The following ZNF626 variants were observed in gnomAD, a reference collection of about 807,000 sequenced individuals.
ZNF626 encodes the protein zinc finger protein 626.
ZNF626 carries 4 observed loss-of-function variants against 11.7 expected under a neutral mutation model. The observed-to-expected ratio is 0.34, with a 90% confidence interval of 0.17 to 0.78. ZNF626 has a LOEUF of 0.78. Ranked by LOEUF, ZNF626 falls within the 30% of genes least tolerant of loss-of-function variation. The probability of loss-of-function intolerance (pLI) is 0.57; values close to 1 mark genes in which losing one functional copy is unlikely to be tolerated. For missense variants in ZNF626, 588 were observed against 587.1 expected, an observed-to-expected ratio of 1.00 and a Z score of -0.01; for synonymous variants, 179 against 198.6, an observed-to-expected ratio of 0.90 and a Z score of 0.83.
chr19:20,645,340 T>C (rs1970064042), intron 3 of ZNF626: 2 of 1,568,356 alleles, frequency 1.3e-6, no homozygotes, highest in Non-Finnish European at 1.7e-6. Flanking sequence ...CTCAAAATCA[T>C]GCAGACATTT....
chr19:20,659,926 G>A (rs1320995798), intron 1 of ZNF626, among the ~76,000 whole-genome samples: 1 of 151,976 alleles, frequency 6.6e-6, no homozygotes, highest in African/African-American at 2.4e-5. Context: ...GAGCAGTCTT[G>A]AGATATCCGC....
At chr19:20,646,180 G>T in intron 2 of ZNF626, 99 bp downstream of exon 2, 1 of 1,327,912 alleles carries the variant, frequency 7.5e-7, no homozygotes, top group South Asian at 1.9e-5. Flanking sequence ...ATGGGGATCT[G>T]AAACTCTTTT....
At chr19:20,645,557 T>G in intron 3 of ZNF626, 127 bp downstream of exon 3, 1 of 1,549,280 alleles carries the variant, frequency 6.5e-7, no homozygotes, top group Admixed American at 2.2e-5. Flanking sequence ...AAACAAAAAA[T>G]AGCTGCCCAA....
At chr19:20,652,087 G>A (rs1474141217) in intron 1 of ZNF626, among the ~76,000 whole-genome samples, 8 of 152,160 alleles carry the variant, frequency 5.3e-5, no homozygotes, top group Non-Finnish European at 8.8e-5. Context: ...TCACAATGCA[G>A]AAAATGCCTT....
At position 20,645,750 on chromosome 19, in the gene ZNF626, T is replaced by A. The variant is rs1555771842; in HGVS notation, c.160A>T (p.Thr54Ser). 1 of 1,611,016 alleles carries A rather than the reference T, an allele frequency of 6.2e-7. No individual in the cohort carries two copies. ...GITVSKPDLI[T>S]CLEQGRKPLT... ...GGTTTTCTTCCTTGCTCCAGACAGG[T>A]GATCAGGTCTGGCTTAGAAACAGTA... is the stretch of plus-strand genomic sequence containing the variant. The change falls in exon 3 of 4, where the codon ACC (threonine) becomes TCC (serine). Residue 54 changes from threonine to serine, a missense_variant. Around this residue, in one of 4 missense-constraint regions of ZNF626, gnomAD observed 524 missense variants for 470.1 expected, o/e 1.11. Transcript: ENST00000601440.
chr19:20,625,305 T>A lies in ZNF626; in HGVS notation c.572A>T (p.His191Leu), dbSNP rs199817997. 7 of 1,613,906 alleles carry A rather than the reference T, an allele frequency of 4.3e-6. No homozygotes were observed. Among genetic ancestry groups the A allele is most frequent in the Non-Finnish European group, 5.9e-6 (7 of 1,179,984 alleles). ...AFKQFSTLTT[H>L]KKIHTGGKPY... ...TTTCCCTCCAGTATGAATTTTCTTA[T>A]GTGTAGTAAGAGTTGAGAACTGCTT... The change falls in exon 4 of 4, where the codon CAT (histidine) becomes CTT (leucine). Residue 191 changes from histidine to leucine, a missense_variant. Transcript: ENST00000601440.
At position 20,645,877 on chromosome 19, in the gene ZNF626, T is replaced by C. The variant is rs563441984; in HGVS notation, c.131-98A>G. On this transcript the variant is annotated intron_variant, in intron 2 of 3. Coordinates refer to ENST00000601440, the MANE Select transcript of ZNF626 (RefSeq NM_001076675.3). Reference sequence around the variant, plus strand: ...CAGAGGATGTGATAAAATATTCTAGTAAATTAATACAAAAATACTAAGTTG... The same window carrying C: ...CAGAGGATGTGATAAAATATTCTAGCAAATTAATACAAAAATACTAAGTTG... 1.2e-4 allele frequency: 95 copies of C among 808,854 alleles called. 2 individuals are homozygous for C. In the African/African-American group the frequency reaches 1.4e-3, roughly 12 times the overall value. 50.1% of individuals were successfully genotyped at this position (808,854 alleles called of 1,614,324 possible). A position where few individuals can be genotyped will look rare whatever the true frequency, so the allele number is the denominator to read the frequency against.
At position 20,625,111 on chromosome 19, in the gene ZNF626, G is replaced by T. The variant is rs267605381; in HGVS notation, c.766C>A (p.Pro256Thr). 6.2e-7 allele frequency: 1 copy of T among 1,613,050 alleles called. No homozygotes were observed. Among genetic ancestry groups the T allele is most frequent in the Non-Finnish European group, 8.5e-7 (1 of 1,179,752 alleles). ...TTGCCACATTTATCACACTTGTAGG[G>T]TTTCTCTCCAGTATGATTTCTCTTA... ...THKRNHTGEK[P>T]YKCDKCGKAF... The change falls in exon 4 of 4, where the codon CCC (proline) becomes ACC (threonine). Residue 256 changes from proline (P) to threonine (T), a missense_variant. By Grantham distance (38) the Pro-to-Thr change is conservative. This residue lies in a region of ZNF626 where 524 missense variants were observed against 470.1 expected (regional missense o/e 1.11). Coordinates refer to ENST00000601440, the MANE Select transcript of ZNF626 (RefSeq NM_001076675.3).
intron 3 of ZNF626, among the ~76,000 whole-genome samples, chr19:20,641,353 T>C (rs1005770953): frequency 2.6e-5 from 4 of 152,192 alleles, no homozygotes; most frequent in Non-Finnish European, 4.4e-5. Flanking sequence ...GAGAATATTA[T>C]GTCACTTGAA....
chr19:20,650,268 T>A (rs1970131982), intron 1 of ZNF626, among the ~76,000 whole-genome samples: 1 of 150,832 alleles, frequency 6.6e-6, no homozygotes. Context: ...CCATAAAAAA[T>A]TAAAACTAAA....
intron 3 of ZNF626, among the ~76,000 whole-genome samples, chr19:20,636,875 TTTGGGC>T (rs1196753839): frequency 1.3e-5 from 2 of 151,898 alleles, no homozygotes; most frequent in Non-Finnish European, 1.5e-5. Context: ...GCAAAAATTA[TTTGGGC>T]ATGGTGGCAC....
intron 1 of ZNF626, among the ~76,000 whole-genome samples, chr19:20,649,183 A>T (rs1970119133): frequency 6.6e-6 from 1 of 152,118 alleles, no homozygotes; most frequent in African/African-American, 2.4e-5. Flanking sequence ...TACACCTGTT[A>T]TCTTGAGACT....
At chr19:20,633,748 C>T (rs1664900) in intron 3 of ZNF626, among the ~76,000 whole-genome samples, 3 of 152,224 alleles carry the variant, frequency 2.0e-5, no homozygotes, top group Non-Finnish European at 4.4e-5. Flanking sequence ...CTGGGTGAGG[C>T]GATGCCTCGC....
rs1019722551 is a variant in ZNF626, at chr19:20,626,083, A to G, written c.227-433T>C. Among the ~76,000 whole-genome samples, 5 of 142,894 alleles carry G rather than the reference A, an allele frequency of 3.5e-5. No individual in the cohort carries two copies. In the East Asian group the frequency reaches 1.0e-3, roughly 30 times the overall value. The allele number at this position is 142,894 out of a possible 152,430, so 93.7% of individuals were successfully genotyped here. ...CAAGACCATCTTGGCAAAGATGATG[A>G]AATTCAATCTGTACTAAAATTACAA... is the stretch of plus-strand genomic sequence containing the variant. On this transcript the variant is annotated intron_variant, in intron 3 of 3. Transcript: ENST00000601440.
At chr19:20,640,919 G>C (rs1330892882) in intron 3 of ZNF626, among the ~76,000 whole-genome samples, 1 of 152,026 alleles carries the variant, frequency 6.6e-6, no homozygotes, top group Non-Finnish European at 1.5e-5. Flanking sequence ...GGCCAAGGTA[G>C]GGGCAGATCA....
At chr19:20,645,401 T>C (rs1970065289) in intron 3 of ZNF626, 1 of 1,610,836 alleles carries the variant, frequency 6.2e-7, no homozygotes, top group Non-Finnish European at 8.5e-7. Context: ...GTCTCTTATA[T>C]GTCATGAAGA....
chr19:20,653,251 C>A (rs1555772753), intron 1 of ZNF626, among the ~76,000 whole-genome samples: 2 of 152,130 alleles, frequency 1.3e-5, no homozygotes, highest in Non-Finnish European at 2.9e-5. Flanking sequence ...GAAAAATTTT[C>A]TCCAGCCCCA....
intron 3 of ZNF626, among the ~76,000 whole-genome samples, chr19:20,632,426 A>T (rs1043163052): frequency 2.6e-5 from 4 of 152,194 alleles, no homozygotes; most frequent in Admixed American, 6.5e-5. Flanking sequence ...TAGATACACC[A>T]ATCAGATGTA....
At chr19:20,633,424 G>A (rs1233097741) in intron 3 of ZNF626, among the ~76,000 whole-genome samples, 4 of 152,202 alleles carry the variant, frequency 2.6e-5, no homozygotes, top group African/African-American at 9.6e-5. Flanking sequence ...GAGCTGTGGT[G>A]GGCTCCACCC....
Sources: gnomAD v4.1 joint callset for allele counts (sites outside exome capture counted in the v4.1 genomes callset) on GRCh38, gnomAD v4.1.1 for gene constraint, gnomAD v4.1.1 regional missense constraint, MANE v1.5 for transcripts, NCBI Gene and HGNC (gene_info 2026-07-23, HGNC 2026-07-21) for gene names.